LNP1: variants seen among roughly 807,000 people sequenced by gnomAD.
LNP1 encodes leukemia NUP98 fusion partner 1.
Under a neutral mutation model 14.5 loss-of-function variants are expected in LNP1, and 12 were observed. The observed-to-expected ratio is 0.83, with a 90% CI of 0.53 to 1.34. The LOEUF is 1.34. Among genes scored for constraint, LNP1 ranks in the 40% most tolerant of loss-of-function variants. The pLI is 0.00. For missense variants in LNP1, 198 were observed against 210.9 expected, an observed-to-expected ratio of 0.94 and a Z score of 0.38; for synonymous variants, 75 against 71.4, an observed-to-expected ratio of 1.05 and a Z score of -0.26.
chr3:100,417,498 C>T (rs1228455646), intron 1 of LNP1, among the ~76,000 whole-genome samples: 1 of 149,366 alleles, frequency 6.7e-6, no homozygotes, highest in East Asian at 2.1e-4. Context: ...GCCTCAGCCT[C>T]CCAAGTAGCT....
At chr3:100,432,855 C>T (rs1707255153) in intron 2 of LNP1, among the ~76,000 whole-genome samples, 1 of 152,062 alleles carries the variant, frequency 6.6e-6, no homozygotes, top group Admixed American at 6.6e-5. Flanking sequence ...GTCTGGGGCT[C>T]GTGGAAGGGA....
intron 3 of LNP1, among the ~76,000 whole-genome samples, chr3:100,452,202 C>CTTTTTT (rs1321009854): frequency 2.3e-5 from 3 of 129,318 alleles, no homozygotes; most frequent in East Asian, 2.2e-4. Context: ...GTTTTTCTTT[C>CTTTTTT]TTTTTTTTTT....
chr3:100,414,793 G>C (rs1707065322), intron 1 of LNP1, among the ~76,000 whole-genome samples: 1 of 152,184 alleles, frequency 6.6e-6, no homozygotes, highest in South Asian at 2.1e-4. Context: ...CCAATGATGG[G>C]TGGACTTGGA....
chr3:100,404,166 C>CT (rs1706941535), intron 1 of LNP1, among the ~76,000 whole-genome samples: 1 of 152,128 alleles, frequency 6.6e-6, no homozygotes, highest in Non-Finnish European at 1.5e-5. Context: ...GCTGAAAGTG[C>CT]TTTAGAAGTC....
Position 100,401,669 on chromosome 3 carries a change from C to T in LNP1, c.-804C>T, listed in dbSNP as rs1395172814. On this transcript the variant is annotated 5_prime_UTR_variant, in exon 1 of 4. Coordinates refer to ENST00000383693, the MANE Select transcript of LNP1 (RefSeq NM_001085451.2). ...AGATGTGTGAGGAAAGAGCTCACCG[C>T]TGAAGAAGGCTGCTGCATCACTGAA... 1 of 152,328 alleles carries T rather than the reference C, an allele frequency of 6.6e-6. No individual in the cohort carries two copies. The highest frequency in any genetic ancestry group is 1.5e-5 in the Non-Finnish European group (1 of 68,092). 9.4% of individuals were successfully genotyped at this position (152,328 alleles called of 1,614,324 possible). A position where few individuals can be genotyped will look rare whatever the true frequency, so the allele number is the denominator to read the frequency against.
intron 3 of LNP1, among the ~76,000 whole-genome samples, chr3:100,454,102 A>T (rs1421298549): frequency 6.6e-6 from 1 of 152,206 alleles, no homozygotes; most frequent in East Asian, 1.9e-4. Context: ...AATACAAAAT[A>T]TGCTTGTTGC....
At chr3:100,419,402 G>A (rs1039510757) in intron 1 of LNP1, among the ~76,000 whole-genome samples, 4 of 152,140 alleles carry the variant, frequency 2.6e-5, no homozygotes, top group African/African-American at 7.2e-5. Context: ...TTGACATCTT[G>A]TATAACTATA....
intron 1 of LNP1, among the ~76,000 whole-genome samples, chr3:100,416,572 A>G (rs544990105): frequency 6.6e-6 from 1 of 150,810 alleles, no homozygotes; most frequent in East Asian, 1.9e-4. Flanking sequence ...GAGTCAGGAT[A>G]TAAATAATAC....
At chr3:100,405,301 T>G (rs553346770) in intron 1 of LNP1, among the ~76,000 whole-genome samples, 1 of 152,296 alleles carries the variant, frequency 6.6e-6, no homozygotes, top group African/African-American at 2.4e-5. Flanking sequence ...TTCTTATAGT[T>G]TTTTCACCCA....
chr3:100,408,682 A>G (rs1706995897), intron 1 of LNP1, among the ~76,000 whole-genome samples: 1 of 152,238 alleles, frequency 6.6e-6, no homozygotes, highest in East Asian at 1.9e-4. Flanking sequence ...GTCATGGGTC[A>G]TGGGGGGGTC....
intron 1 of LNP1, among the ~76,000 whole-genome samples, chr3:100,406,269 G>A (rs1289701912): frequency 2.6e-5 from 4 of 151,956 alleles, no homozygotes; most frequent in Non-Finnish European, 4.4e-5. Flanking sequence ...CTGGGTGACA[G>A]AGTGAGATGC....
chr3:100,438,293 TAAAGA>T (rs2148905457), intron 2 of LNP1, among the ~76,000 whole-genome samples: 1 of 152,340 alleles, frequency 6.6e-6, no homozygotes, highest in South Asian at 2.1e-4. Flanking sequence ...TATTGTCACT[TAAAGA>T]AAAACAACTT....
chr3:100,404,441 G>A (rs567369523), intron 1 of LNP1, among the ~76,000 whole-genome samples: 2 of 152,300 alleles, frequency 1.3e-5, no homozygotes, highest in Admixed American at 6.5e-5. Flanking sequence ...GAAATGTAGT[G>A]TGACAAAGAC....
At chr3:100,422,269 C>T (rs1028213385) in intron 1 of LNP1, among the ~76,000 whole-genome samples, 2 of 147,938 alleles carry the variant, frequency 1.4e-5, no homozygotes, top group East Asian at 2.0e-4. Flanking sequence ...CTGCAAGCTT[C>T]GCCTCCCGGG....
intron 1 of LNP1, among the ~76,000 whole-genome samples, chr3:100,408,353 C>T (rs1706991406): frequency 6.6e-6 from 1 of 152,216 alleles, no homozygotes; most frequent in Non-Finnish European, 1.5e-5. Flanking sequence ...CTGTGACCAG[C>T]ACAGTGCCAC....
chr3:100,412,102 G>A (rs933608790), intron 1 of LNP1, among the ~76,000 whole-genome samples: 1 of 152,154 alleles, frequency 6.6e-6, no homozygotes, highest in African/African-American at 2.4e-5. Context: ...TGAGAAGTAT[G>A]GCGCTGGCAT....
intron 2 of LNP1, among the ~76,000 whole-genome samples, chr3:100,433,194 G>T (rs1209765038): frequency 6.6e-6 from 1 of 152,056 alleles, no homozygotes; most frequent in African/African-American, 2.4e-5. Context: ...TTAGGTATTT[G>T]TCCTAATGCT....
At chr3:100,408,582 C>G (rs1244949179) in intron 1 of LNP1, among the ~76,000 whole-genome samples, 1 of 152,178 alleles carries the variant, frequency 6.6e-6, no homozygotes, top group Non-Finnish European at 1.5e-5. Context: ...GTGATGTGGG[C>G]TGGAACTCAA....
intron 1 of LNP1, among the ~76,000 whole-genome samples, chr3:100,416,216 G>A (rs1178885389): frequency 1.3e-5 from 2 of 152,038 alleles, no homozygotes; most frequent in African/African-American, 2.4e-5. Flanking sequence ...TTTATTAGTT[G>A]GAATATTTTT....
Sources: gnomAD v4.1 joint callset for allele counts (sites outside exome capture counted in the v4.1 genomes callset) on GRCh38, gnomAD v4.1.1 for gene constraint, MANE v1.5 for transcripts, NCBI Gene and HGNC (gene_info 2026-07-23, HGNC 2026-07-21) for gene names.